FAM120B: variants seen among roughly 807,000 people sequenced by gnomAD.
FAM120B encodes the protein family with sequence similarity 120 member B, also known as constitutive coactivator of peroxisome proliferator-activated receptor gamma.
A neutral mutation model predicts 96.3 loss-of-function variants in FAM120B; 83 were observed. That is an observed-to-expected ratio of 0.86 (90% CI 0.72 to 1.03). The LOEUF (loss-of-function observed/expected upper bound fraction) is 1.03, where lower values mean the gene tolerates loss of function less well. FAM120B is among the 50% of genes least tolerant of loss of function. The pLI, the probability that FAM120B is intolerant of heterozygous loss-of-function variation, is 0.00. For synonymous variants in FAM120B, 407 were observed against 402.7 expected, an observed-to-expected ratio of 1.01 and a Z score of -0.13; for missense variants, 1,027 against 1,121.2, an observed-to-expected ratio of 0.92 and a Z score of 1.20.
chr6:170,358,093 C>T (rs1279685397), intron 5 of FAM120B, 133 bp from the exon 6 acceptor site: 6 of 702,586 alleles, frequency 8.5e-6, no homozygotes, highest in African/African-American at 3.5e-5. Context: ...GGTGCCTGTG[C>T]GTGTGCCTGT....
At chr6:170,299,413 C>T (rs1373138574) in intron 1 of FAM120B, among the ~76,000 whole-genome samples, 1 of 152,176 alleles carries the variant, frequency 6.6e-6, no homozygotes, top group East Asian at 1.9e-4. Context: ...CTTCTCTCTT[C>T]TTGAGAGATT....
chr6:170,305,147 T>A (rs1043248164), upstream of FAM120B, among the ~76,000 whole-genome samples: 4 of 152,106 alleles, frequency 2.6e-5, no homozygotes, highest in Non-Finnish European at 5.9e-5. Context: ...ACGCTGGGAT[T>A]AATTTCAACC....
Position 170,376,378 on chromosome 6 carries a change from C to T in FAM120B, c.2284-11909C>T, listed in dbSNP as rs148916654. ...GAATGAGGTTCAGTTGAGAGATACA[C>T]ATATAGTGTGATAAGGACAGTAAGC... is the stretch of plus-strand genomic sequence containing the variant. On this transcript the variant is annotated intron_variant, in intron 6 of 10. Transcript: ENST00000476287. Among the ~76,000 whole-genome samples, 427 of 150,816 alleles carry T rather than the reference C, an allele frequency of 2.8e-3. 1 individual carries two copies. Among genetic ancestry groups the T allele is most frequent in the South Asian group, 5.2e-3 (25 of 4,780 alleles).
At chr6:170,352,536 C>A (rs973638392) in intron 5 of FAM120B, among the ~76,000 whole-genome samples, 2 of 152,178 alleles carry the variant, frequency 1.3e-5, no homozygotes, top group Non-Finnish European at 1.5e-5. Flanking sequence ...AAGTAAAACA[C>A]ATCTCAGCAA....
intron 4 of FAM120B, among the ~76,000 whole-genome samples, chr6:170,337,523 A>G (rs1786521552): frequency 6.6e-6 from 1 of 152,130 alleles, no homozygotes. Context: ...CAGTTTTGGT[A>G]TCAGGATGAT....
At chr6:170,371,455 T>C (rs1789183608) in intron 6 of FAM120B, among the ~76,000 whole-genome samples, 1 of 152,196 alleles carries the variant, frequency 6.6e-6, no homozygotes, top group Admixed American at 6.5e-5. Context: ...TTTCCTTAAA[T>C]ATGTGGAATG....
intron 6 of FAM120B, among the ~76,000 whole-genome samples, chr6:170,365,714 T>TA: frequency 1.5e-5 from 1 of 66,896 alleles, no homozygotes; most frequent in African/African-American, 5.3e-5. Flanking sequence ...CACCCCTCCC[T>TA]CCCCCCCCTC....
At chr6:170,302,760 A>G (rs1784168776), upstream of FAM120B, among the ~76,000 whole-genome samples, 1 of 152,178 alleles carries the variant, frequency 6.6e-6, no homozygotes, top group East Asian at 1.9e-4. Context: ...TCCCACACTG[A>G]TAAACTGGCT....
chr6:170,348,457 T>A, intron 5 of FAM120B, 134 bp downstream of exon 5: 1 of 709,238 alleles, frequency 1.4e-6, no homozygotes, highest in Non-Finnish European at 2.3e-6. Flanking sequence ...TTATTAGTCC[T>A]TTGAAGTGCT....
chr6:170,362,935 T>C (rs1003760426), intron 6 of FAM120B, among the ~76,000 whole-genome samples: 1 of 152,120 alleles, frequency 6.6e-6, no homozygotes, highest in Non-Finnish European at 1.5e-5. Context: ...TCCTCCTGCC[T>C]CAGCCTCCCA....
intron 4 of FAM120B, 46 bp downstream of exon 4, chr6:170,330,596 A>T: frequency 7.1e-7 from 1 of 1,405,198 alleles, no homozygotes; most frequent in Non-Finnish European, 1.0e-6. Context: ...TTTCCATTCT[A>T]TGATAAAAGT....
At chr6:170,294,183 C>T (rs1178509273), upstream of FAM120B, among the ~76,000 whole-genome samples, 1 of 152,194 alleles carries the variant, frequency 6.6e-6, no homozygotes, top group Non-Finnish European at 1.5e-5. This position sits in a 1 kb window ranked among gnomAD's most constrained non-coding sequence, Gnocchi z 7.9. Context: ...GTGTTGGCCC[C>T]GGCTGCCGGA....
chr6:170,322,530 A>G (rs16901328), intron 2 of FAM120B, among the ~76,000 whole-genome samples: 2,053 of 152,308 alleles, frequency 0.013, 43 homozygotes, highest in African/African-American at 0.047. Flanking sequence ...TTGAGGAGCA[A>G]TGAAGATGTT....
At chr6:170,290,964 C>A (rs1783852731), upstream of FAM120B, 3 of 700,988 alleles carry the variant, frequency 4.3e-6, no homozygotes, top group Non-Finnish European at 2.6e-6. This position sits in a 1 kb window ranked among gnomAD's most constrained non-coding sequence, Gnocchi z 4.7. Context: ...TATATTCAGC[C>A]GGCCGCCCGC....
At chr6:170,389,457 G>T (rs1336952196) in intron 7 of FAM120B, among the ~76,000 whole-genome samples, 1 of 152,148 alleles carries the variant, frequency 6.6e-6, no homozygotes, top group African/African-American at 2.4e-5. Context: ...GTTAGGTAGG[G>T]CGAGCAGTAT....
intron 6 of FAM120B, among the ~76,000 whole-genome samples, chr6:170,368,820 T>TG (rs35789983): frequency 0.38 from 53,158 of 139,166 alleles, 10,416 homozygotes; most frequent in Middle Eastern, 0.47. Flanking sequence ...CTGCCGGGGC[T>TG]GGGGGGGGGG....
upstream of FAM120B, chr6:170,291,087 A>G (rs922756753): frequency 1.4e-6 from 1 of 698,562 alleles, no homozygotes; most frequent in Non-Finnish European, 2.6e-6. Flanking sequence ...GTGAGCTGTA[A>G]AATGTGCAAC....
At chr6:170,395,037 A>T (rs557595795) in intron 8 of FAM120B, among the ~76,000 whole-genome samples, 1 of 152,354 alleles carries the variant, frequency 6.6e-6, no homozygotes, top group South Asian at 2.1e-4. Context: ...CTGGGAAGTT[A>T]TGGAAATTTT....
intron 2 of FAM120B, among the ~76,000 whole-genome samples, chr6:170,321,794 C>T (rs9348309): frequency 0.11 from 17,416 of 152,170 alleles, 1,314 homozygotes; most frequent in East Asian, 0.31. Context: ...GAGCCGGGCA[C>T]GTTTTTATTC....
Sources: gnomAD v4.1 joint callset for allele counts (sites outside exome capture counted in the v4.1 genomes callset) on GRCh38, gnomAD v4.1.1 for gene constraint, Gnocchi (gnomAD v3.1) non-coding constraint, MANE v1.5 for transcripts, NCBI Gene and HGNC (gene_info 2026-07-23, HGNC 2026-07-21) for gene names.